The following USH2A variants were observed in gnomAD, a reference collection of about 807,000 sequenced individuals.
The protein encoded by USH2A is Usher syndrome 2A (autosomal recessive, mild).
In USH2A, 443 loss-of-function variants were observed where a neutral mutation model predicts 538.9. The observed-to-expected ratio is 0.82, with a 90% confidence interval of 0.76 to 0.89. The LOEUF is 0.89. Ranked by LOEUF, USH2A falls within the 40% of genes least tolerant of loss-of-function variation. The pLI is 0.00. For synonymous variants in USH2A, 2,413 were observed against 2,273.5 expected, an observed-to-expected ratio of 1.06 and a Z score of -1.75; for missense variants, 6,633 against 6,324.8, an observed-to-expected ratio of 1.05 and a Z score of -1.65.
intron 70 of USH2A, among the ~76,000 whole-genome samples, chr1:215,630,705 T>A (rs928994011): frequency 6.6e-6 from 1 of 151,054 alleles, no homozygotes. Context: ...ATACAAAAAT[T>A]AGCCAGGCAT....
chr1:216,076,844 T>C (rs1010488942), intron 27 of USH2A, among the ~76,000 whole-genome samples: 1 of 152,168 alleles, frequency 6.6e-6, no homozygotes, highest in African/African-American at 2.4e-5. Flanking sequence ...TCAGGGTATG[T>C]AGATTTTGAA....
At chr1:216,413,521 G>A (rs568225512) in intron 3 of USH2A, among the ~76,000 whole-genome samples, 1 of 152,106 alleles carries the variant, frequency 6.6e-6, no homozygotes, top group South Asian at 2.1e-4. Flanking sequence ...ACTATCAATA[G>A]TTTTTCTTTC....
chr1:215,850,134 A>C (rs1015514035), intron 44 of USH2A, among the ~76,000 whole-genome samples: 68 of 152,292 alleles, frequency 4.5e-4, no homozygotes, highest in African/African-American at 1.6e-3. Context: ...TAAAAAAATT[A>C]TATCATAACA....
chr1:216,055,001 C>G (rs1000360), intron 30 of USH2A, among the ~76,000 whole-genome samples: 99,827 of 152,080 alleles, frequency 0.66, 34,314 homozygotes, highest in African/African-American at 0.87. Context: ...ATTTCAAATG[C>G]ACTCCAACAA....
chr1:216,161,216 C>T (rs1384124430), intron 21 of USH2A, among the ~76,000 whole-genome samples: 1 of 152,134 alleles, frequency 6.6e-6, no homozygotes, highest in Non-Finnish European at 1.5e-5. Flanking sequence ...ATGTTCACCA[C>T]AGTGGTATTT....
chr1:215,929,378 T>G (rs1220035736), intron 38 of USH2A, among the ~76,000 whole-genome samples: 1 of 151,896 alleles, frequency 6.6e-6, no homozygotes, highest in African/African-American at 2.4e-5. Flanking sequence ...GAAAATCACT[T>G]CCCATGCTTC....
At chr1:216,264,340 C>G (rs1299927979) in intron 11 of USH2A, among the ~76,000 whole-genome samples, 1 of 151,954 alleles carries the variant, frequency 6.6e-6, no homozygotes, top group African/African-American at 2.4e-5. Flanking sequence ...CTCTGTCACC[C>G]AGGCTGGAGT....
Position 216,231,956 on chromosome 1 carries a change from C to A in USH2A, c.2990G>T (p.Gly997Val). ...ATTAAAGCTTATAAAGATGTACCTTCCAGTCTGAGGATCAAATCCAAAGTA... is the reference window on the plus strand; with the variant it reads ...ATTAAAGCTTATAAAGATGTACCTTACAGTCTGAGGATCAAATCCAAAGTA... ...DHYFGFDPQT[G>V]RCQPCNCHLS... is the part of the protein sequence containing the mutation. Residue 997 changes from glycine (G) to valine (V), a missense_variant, in exon 14 of 72, where the codon GGA (glycine) becomes GTA (valine). Physicochemically the swap from Gly to Val is moderately radical, Grantham distance 109. Transcript: ENST00000307340. 2 of 1,613,944 alleles carry A rather than the reference C, an allele frequency of 1.2e-6. No individual in the cohort carries two copies. Among genetic ancestry groups the A allele is most frequent in the African/African-American group, 1.3e-5 (1 of 75,046 alleles).
At chr1:216,357,214 T>C (rs545034817) in intron 4 of USH2A, among the ~76,000 whole-genome samples, 1 of 152,256 alleles carries the variant, frequency 6.6e-6, no homozygotes, top group East Asian at 1.9e-4. Flanking sequence ...ACATAACTTG[T>C]CTGATAATAT....
chr1:216,027,009 T>C (rs774575910), intron 32 of USH2A, among the ~76,000 whole-genome samples: 40 of 152,196 alleles, frequency 2.6e-4, no homozygotes, highest in Non-Finnish European at 4.6e-4. Flanking sequence ...TGTATATAAA[T>C]GTTTGCTTAA....
At chr1:215,938,430 TA>T in intron 37 of USH2A, among the ~76,000 whole-genome samples, 1 of 152,286 alleles carries the variant, frequency 6.6e-6, no homozygotes, top group South Asian at 2.1e-4. Context: ...GGTAGATTTT[TA>T]AAATGCTTGT....
At chr1:215,711,204 T>G (rs1281001207) in intron 61 of USH2A, among the ~76,000 whole-genome samples, 3 of 152,226 alleles carry the variant, frequency 2.0e-5, no homozygotes, top group East Asian at 1.9e-4. Flanking sequence ...AGGAGTATTT[T>G]ATAATCCCTT....
chr1:215,911,884 GT>G (rs1223018145), intron 38 of USH2A, among the ~76,000 whole-genome samples: 3 of 151,888 alleles, frequency 2.0e-5, no homozygotes, highest in African/African-American at 7.2e-5. Context: ...TTTATTGCCT[GT>G]TTTTTGGACA....
intron 61 of USH2A, among the ~76,000 whole-genome samples, chr1:215,687,970 A>T (rs1658485704): frequency 6.6e-6 from 1 of 152,144 alleles, no homozygotes; most frequent in African/African-American, 2.4e-5. Context: ...AAACAGAGGG[A>T]GATAGAGAGA....
rs983152214 is a variant in USH2A, at chr1:215,674,461, T to C, written c.13450A>G (p.Thr4484Ala). 6 of 1,614,018 alleles carry C rather than the reference T, an allele frequency of 3.7e-6. No individual in the cohort carries two copies. In the African/African-American group the frequency reaches 5.3e-5, roughly 14 times the overall value. Residue 4484 changes from threonine (T) to alanine (A), a missense_variant, in exon 63 of 72, where the codon ACC becomes GCC. Thr to Ala is a moderately conservative substitution (Grantham distance 58, BLOSUM62 0). Transcript: ENST00000307340. ...GTTTCCAAGCCTGTATATACAATGG[T>C]TCCATCCCTCCTAAGTTCATAACTT... ...IRSYELRRDGTIVYTGLETRY... is the reference protein window; with the variant it reads ...IRSYELRRDGAIVYTGLETRY...
At chr1:216,163,768 C>T (rs147578707) in intron 21 of USH2A, among the ~76,000 whole-genome samples, 2 of 151,598 alleles carry the variant, frequency 1.3e-5, no homozygotes, top group South Asian at 4.2e-4. Flanking sequence ...CACCTAGACT[C>T]TAATTTTTTG....
At chr1:215,733,937 G>C (rs1660078728) in intron 60 of USH2A, among the ~76,000 whole-genome samples, 1 of 152,264 alleles carries the variant, frequency 6.6e-6, no homozygotes, top group South Asian at 2.1e-4. Context: ...TGGTTTCTGG[G>C]ACCTAGAGAG....
At chr1:216,326,396 C>T (rs951705097) in intron 5 of USH2A, among the ~76,000 whole-genome samples, 5 of 152,248 alleles carry the variant, frequency 3.3e-5, no homozygotes, top group South Asian at 2.1e-4. Context: ...AGGAGTCAGG[C>T]AGCTTTTCCA....
At chr1:216,413,256 G>A (rs2039521915) in intron 3 of USH2A, among the ~76,000 whole-genome samples, 1 of 151,900 alleles carries the variant, frequency 6.6e-6, no homozygotes, top group Admixed American at 6.6e-5. Context: ...GAAATAATAT[G>A]GGTTGAGATT....
Sources: allele counts gnomAD v4.1 joint callset (sites outside exome capture counted in the v4.1 genomes callset), GRCh38; gene constraint gnomAD v4.1.1; transcripts MANE v1.5; gene names NCBI Gene and HGNC (gene_info 2026-07-23, HGNC 2026-07-21).